The following SFMBT2 variants were observed in gnomAD, a reference collection of about 807,000 sequenced individuals.
SFMBT2 encodes Scm like with four mbt domains 2.
Under a neutral mutation model 110.1 loss-of-function variants are expected in SFMBT2, and 38 were observed. The observed-to-expected ratio is 0.35, with a 90% CI of 0.27 to 0.45. The LOEUF (loss-of-function observed/expected upper bound fraction) is 0.45, where lower values mean the gene tolerates loss of function less well. SFMBT2 is among the 20% of genes least tolerant of loss of function. The probability of loss-of-function intolerance (pLI) is 1.00; values close to 1 mark genes in which losing one functional copy is unlikely to be tolerated. For missense variants in SFMBT2, 1,011 were observed against 1,094.9 expected, an observed-to-expected ratio of 0.92 and a Z score of 1.08; for synonymous variants, 425 against 425.4, an observed-to-expected ratio of 1.00 and a Z score of 0.01.
chr10:7,203,140 T>C, intron 12 of SFMBT2: 3 of 965,112 alleles, frequency 3.1e-6, no homozygotes, highest in South Asian at 9.6e-5. Flanking sequence ...TTGGCTCAGA[T>C]AATCCTACAT....
At chr10:7,280,043 G>A (rs1003902661) in intron 6 of SFMBT2, among the ~76,000 whole-genome samples, 2 of 152,156 alleles carry the variant, frequency 1.3e-5, no homozygotes, top group African/African-American at 2.4e-5. Context: ...TTATGAGGGT[G>A]GGGTCCTCAA....
intron 7 of SFMBT2, among the ~76,000 whole-genome samples, chr10:7,255,339 C>T (rs1197657825): frequency 6.6e-6 from 1 of 152,172 alleles, no homozygotes; most frequent in Non-Finnish European, 1.5e-5. Flanking sequence ...ATTATTGGAT[C>T]AAGAATGATG....
chr10:7,330,377 T>A (rs2098030447), intron 4 of SFMBT2, among the ~76,000 whole-genome samples: 1 of 152,190 alleles, frequency 6.6e-6, no homozygotes, highest in African/African-American at 2.4e-5. Flanking sequence ...CTGAATCACA[T>A]CACCTGACTT....
In SFMBT2 at chr10:7,334,403, C is replaced by G. The variant is rs375739792; in HGVS notation, c.436+33246G>C. 5.3e-5 allele frequency among the ~76,000 whole-genome samples: 8 copies of G among 152,206 alleles called. No individual in the cohort carries two copies. In the East Asian group the frequency reaches 9.6e-4, roughly 18 times the overall value. On this transcript the variant is annotated intron_variant, in intron 4 of 20. Coordinates refer to ENST00000397167, the MANE Select transcript of SFMBT2 (RefSeq NM_001387889.1). Reference sequence around the variant, plus strand: ...CTGCCTCTTCATCAGCTCCCCATCACAGCTAACGAAACCTCTTTGGAATTA... The same window carrying G: ...CTGCCTCTTCATCAGCTCCCCATCAGAGCTAACGAAACCTCTTTGGAATTA...
At chr10:7,313,548 G>A (rs755062342) in intron 4 of SFMBT2, among the ~76,000 whole-genome samples, 2 of 152,186 alleles carry the variant, frequency 1.3e-5, no homozygotes, top group African/African-American at 2.4e-5. Flanking sequence ...CAACTCCTGG[G>A]TTCAAGTGAT....
chr10:7,408,484 C>A lies in SFMBT2; in HGVS notation c.-52+2377G>T, dbSNP rs561144813. ...GGCCAACATGTCTTTGTAACCCTATCATTTAAAAACGCTTCCAGGCACCTG... is the reference window on the plus strand; with the variant it reads ...GGCCAACATGTCTTTGTAACCCTATAATTTAAAAACGCTTCCAGGCACCTG... On this transcript the variant is annotated intron_variant, in intron 1 of 20. Transcript: ENST00000397167. This position sits in a 1 kb window ranked among gnomAD's most constrained non-coding sequence, Gnocchi z 5.7. Among the ~76,000 whole-genome samples the A allele has an allele frequency of 6.6e-6, 1 of 152,366 alleles. No individual in the cohort carries two copies. Among genetic ancestry groups the A allele is most frequent in the East Asian group, 1.9e-4 (1 of 5,178 alleles).
intron 12 of SFMBT2, chr10:7,203,255 A>G: frequency 4.2e-6 from 1 of 236,794 alleles, no homozygotes; most frequent in Non-Finnish European, 6.9e-6. Flanking sequence ...TGTATGTGCA[A>G]GAAATGCAAG....
chr10:7,248,115 T>A (rs369394813), intron 8 of SFMBT2, among the ~76,000 whole-genome samples: 2 of 152,168 alleles, frequency 1.3e-5, no homozygotes, highest in African/African-American at 4.8e-5. Flanking sequence ...GCATGAGTTT[T>A]TCTTTAGTCA....
chr10:7,372,978 C>A (rs924775745), intron 2 of SFMBT2, among the ~76,000 whole-genome samples: 1 of 152,200 alleles, frequency 6.6e-6, no homozygotes, highest in South Asian at 2.1e-4. Flanking sequence ...CTGCTGTGTT[C>A]GAGTGTCACT....
chr10:7,257,050 C>G (rs1438786263), intron 7 of SFMBT2, among the ~76,000 whole-genome samples: 2 of 143,366 alleles, frequency 1.4e-5, no homozygotes, highest in East Asian at 4.3e-4. Flanking sequence ...AGAGATCACG[C>G]CACTGCACTC....
intron 4 of SFMBT2, among the ~76,000 whole-genome samples, chr10:7,341,282 A>G (rs1843894192): frequency 6.6e-6 from 1 of 152,204 alleles, no homozygotes; most frequent in South Asian, 2.1e-4. Context: ...AATGCAAAAT[A>G]TGGGGCAGCT....
At chr10:7,176,820 G>A (rs1166103705) in intron 16 of SFMBT2, among the ~76,000 whole-genome samples, 2 of 152,166 alleles carry the variant, frequency 1.3e-5, no homozygotes, top group African/African-American at 2.4e-5. Context: ...CCTGGAAACC[G>A]AGTGAAGACC....
chr10:7,348,333 A>T, intron 4 of SFMBT2: 1 of 1,527,344 alleles, frequency 6.5e-7, no homozygotes, highest in East Asian at 2.5e-5. Flanking sequence ...ATCACTCTCT[A>T]CTACAAAAAA....
In SFMBT2 at chr10:7,176,012, G is replaced by T. The variant is rs1327583523; in HGVS notation, c.1962C>A (p.Ser654=). ...TACTGTATTTGGTTTTGGTATGAAT[G>T]GAGCAGTTCTCTGGGCAGTTTTCAG... is the stretch of plus-strand genomic sequence containing the variant. ...LISENCPENC[S]IHTKTKYTYY... The change falls in exon 17 of 21, where the codon TCC becomes TCA. Residue 654 remains serine, a synonymous_variant. Transcript: ENST00000397167. 1.9e-6 allele frequency: 3 copies of T among 1,614,022 alleles called. No individual in the cohort carries two copies. The highest frequency in any genetic ancestry group is 2.5e-6 in the Non-Finnish European group (3 of 1,179,928).
intron 10 of SFMBT2, among the ~76,000 whole-genome samples, chr10:7,220,826 CT>C (rs372894766): frequency 1.2e-4 from 18 of 146,258 alleles, no homozygotes; most frequent in East Asian, 2.0e-4. Flanking sequence ...ACCCTTCCTT[CT>C]TTTTTTTTTT....
chr10:7,277,741 T>C (rs1330517793), intron 6 of SFMBT2, among the ~76,000 whole-genome samples: 1 of 152,230 alleles, frequency 6.6e-6, no homozygotes. Flanking sequence ...AAAATAGGAT[T>C]TGCAGAAGCC....
At position 7,290,427 on chromosome 10, in the gene SFMBT2, A is replaced by G. The variant is rs185846946; in HGVS notation, c.437-4473T>C. 9.3e-4 allele frequency among the ~76,000 whole-genome samples: 141 copies of G among 152,300 alleles called. 1 individual carries two copies. The highest frequency in any genetic ancestry group is 2.2e-3 in the African/African-American group (92 of 41,550). Reference sequence around the variant, plus strand: ...GAAGTGCCCACATCACAGTGAAGGAAGGAATCATGAACTTGGGTTTCAGAA... The same window carrying G: ...GAAGTGCCCACATCACAGTGAAGGAGGGAATCATGAACTTGGGTTTCAGAA... On this transcript the variant is annotated intron_variant, in intron 4 of 20. Transcript: ENST00000397167.
chr10:7,276,829 A>G (rs1233835411), intron 7 of SFMBT2, 63 bp downstream of exon 7: 3 of 816,884 alleles, frequency 3.7e-6, no homozygotes, highest in Non-Finnish European at 6.6e-6. Flanking sequence ...CCCGGCCGGA[A>G]AACTTTGTAG....
chr10:7,381,953 A>G lies in SFMBT2; in HGVS notation c.-51-4T>C, dbSNP rs1366152134. 3 of 1,489,894 alleles carry G rather than the reference A, an allele frequency of 2.0e-6. No homozygotes were observed. Among genetic ancestry groups the G allele is most frequent in the Non-Finnish European group, 2.7e-6 (3 of 1,109,534 alleles). 92.3% of individuals were successfully genotyped at this position (1,489,894 alleles called of 1,614,324 possible). ...TTCATCCTGCAGAAAAAATTACCTAAGAGCAATCAAAAAAAAAAAAATCAG... is the reference window on the plus strand; with the variant it reads ...TTCATCCTGCAGAAAAAATTACCTAGGAGCAATCAAAAAAAAAAAAATCAG... On this transcript the variant is annotated splice_region_variant and splice_polypyrimidine_tract_variant and intron_variant, in intron 1 of 20. Coordinates refer to ENST00000397167, the MANE Select transcript of SFMBT2 (RefSeq NM_001387889.1).
Sources: gnomAD v4.1 joint callset for allele counts (sites outside exome capture counted in the v4.1 genomes callset) on GRCh38, gnomAD v4.1.1 for gene constraint, Gnocchi (gnomAD v3.1) non-coding constraint, MANE v1.5 for transcripts, NCBI Gene and HGNC (gene_info 2026-07-23, HGNC 2026-07-21) for gene names.